Variants in KDM5C observed in about 807,000 individuals in gnomAD.
KDM5C encodes the protein lysine-specific demethylase 5C.
Under a neutral mutation model 110.6 loss-of-function variants are expected in KDM5C, and 16 were observed. That is an observed-to-expected ratio of 0.14 (90% CI 0.10 to 0.22). The LOEUF is 0.22. Among genes scored for constraint, KDM5C ranks in the 10% least tolerant of loss-of-function variants. KDM5C has a pLI of 1.00. For missense variants in KDM5C, 681 were observed against 1,300.9 expected, an observed-to-expected ratio of 0.52 and a Z score of 7.33; for synonymous variants, 511 against 520.4, an observed-to-expected ratio of 0.98 and a Z score of 0.24.
intron 8 of KDM5C, among the ~76,000 whole-genome samples, chrX:53,213,585 C>G (rs1382225694): frequency 9.0e-6 from 1 of 111,499 alleles, no homozygotes; most frequent in Non-Finnish European, 1.9e-5. Flanking sequence ...GCCCCTATAC[C>G]CATAGTAGGC....
Position 53,195,356 on chromosome X carries a change from G to T in KDM5C, c.3175C>A (p.Arg1059=). ...DDLEGLVAVG[R]DLPVGLEELR... The stretch of plus-strand genomic sequence containing the variant: ...TCCTCCAGCCCCACAGGTAGGTCCC[G>T]GCCCACAGCTACTAGGCCCTCCAAG... The change falls in exon 21 of 26, where the codon CGG becomes AGG. Residue 1059 remains arginine (R), a synonymous_variant. Coordinates refer to ENST00000375401, the MANE Select transcript of KDM5C (RefSeq NM_004187.5). 1 of 1,206,976 alleles carries T rather than the reference G, an allele frequency of 8.3e-7. No homozygotes were observed. The highest frequency in any genetic ancestry group is 1.1e-6 in the Non-Finnish European group (1 of 893,044).
At chrX:53,182,237 G>A (rs1421638089) in intron 25 of KDM5C, among the ~76,000 whole-genome samples, 2 of 103,217 alleles carry the variant, frequency 1.9e-5, no homozygotes, top group Non-Finnish European at 3.9e-5. Flanking sequence ...GGCATCCACC[G>A]CCAGGCCTGG....
rs897509559 is a variant in KDM5C at position 53,192,726 on chromosome X, G to A, written c.*241C>T. The A allele has an allele frequency of 1.1e-5, 13 of 1,162,210 alleles. No homozygotes were observed. The highest frequency in any genetic ancestry group is 1.3e-5 in the Non-Finnish European group (11 of 870,598). ...ATCCATCTATCTGCCTCAGGTGTCT[G>A]GGAATGCTGGTTAGAGGCTACCAGG... is the stretch of plus-strand genomic sequence containing the variant. On this transcript the variant is annotated 3_prime_UTR_variant, in exon 26 of 26. Coordinates refer to ENST00000375401, the MANE Select transcript of KDM5C (RefSeq NM_004187.5).
chrX:53,216,222 C>T lies in KDM5C; in HGVS notation c.658-25G>A, dbSNP rs966927111. 6 of 1,208,305 alleles carry T rather than the reference C, an allele frequency of 5.0e-6. No homozygotes were observed. In the African/African-American group the frequency reaches 1.0e-4, roughly 21 times the overall value. On this transcript the variant is annotated intron_variant, in intron 5 of 25. Transcript: ENST00000375401. ...GCTGGAAGGAAAGAAGGAAATGAAT[C>T]AAGACTGCTATCTGGGGCAGACTGT... is the stretch of plus-strand genomic sequence containing the variant.
chrX:53,210,596 A>C lies in KDM5C; in HGVS notation c.1584-20T>G. 1 of 1,211,889 alleles carries C rather than the reference A, an allele frequency of 8.3e-7. No homozygotes were observed. The highest frequency in any genetic ancestry group is 1.1e-6 in the Non-Finnish European group (1 of 895,411). ...TCACCCCTGCACAAGTGGAAAAGGG[A>C]CACACACAGTAAATCACACCTTGGT... On this transcript the variant is annotated intron_variant, in intron 11 of 25. Coordinates refer to ENST00000375401, the MANE Select transcript of KDM5C (RefSeq NM_004187.5).
Position 53,215,966 on chromosome X carries a change from C to T in KDM5C, c.792G>A (p.Gly264=). ...DKTLRKKDKE[G]PECPPTVVVK... ...CCACTACTGTGGGGGGACACTCAGG[C>T]CCCTCCTTATCTGGGAGAGAGAAAA... is the stretch of plus-strand genomic sequence containing the variant. Residue 264 remains glycine, a synonymous_variant, in exon 7 of 26, where the codon GGG becomes GGA. Coordinates refer to ENST00000375401, the MANE Select transcript of KDM5C (RefSeq NM_004187.5). 1 of 1,211,960 alleles carries T rather than the reference C, an allele frequency of 8.3e-7. No individual in the cohort carries two copies.
intron 14 of KDM5C, among the ~76,000 whole-genome samples, chrX:53,199,961 T>A: frequency 9.0e-6 from 1 of 111,636 alleles, no homozygotes; most frequent in Non-Finnish European, 1.9e-5. Context: ...TGTGTGATCA[T>A]GAGTAAATCA....
intron 12 of KDM5C, among the ~76,000 whole-genome samples, chrX:53,205,372 T>C (rs182104140): frequency 5.3e-5 from 6 of 112,499 alleles, no homozygotes; most frequent in Non-Finnish European, 1.1e-4. Context: ...ATTTGGACCA[T>C]GCATCAGCTC....
At chrX:53,217,653 G>T in intron 4 of KDM5C, 143 bp downstream of exon 4, 2 of 648,350 alleles carry the variant, frequency 3.1e-6, no homozygotes, top group Non-Finnish European at 5.0e-6. Flanking sequence ...CCTGAGCAGT[G>T]TAGAAAGAGA....
intron 1 of KDM5C, among the ~76,000 whole-genome samples, chrX:53,221,408 T>C (rs782183838): frequency 1.8e-5 from 2 of 111,603 alleles, no homozygotes; most frequent in Non-Finnish European, 3.8e-5. Flanking sequence ...TTCTCATCTG[T>C]GAGGTGGGAA....
chrX:53,210,631 A>G, intron 11 of KDM5C, 45 bp downstream of exon 11: 1 of 1,209,908 alleles, frequency 8.3e-7, no homozygotes, highest in Non-Finnish European at 1.1e-6. Flanking sequence ...TCATGCAGGG[A>G]GCCCACACTG....
At chrX:53,208,499 CTTTTTT>C (rs67574134) in intron 12 of KDM5C, among the ~76,000 whole-genome samples, 1 of 48,286 alleles carries the variant, frequency 2.1e-5, no homozygotes, top group East Asian at 8.1e-4. Context: ...TCAGAGAATC[CTTTTTT>C]TTTTTTTTTT....
downstream of KDM5C, chrX:53,191,353 GTCCA>G (rs2146804170): frequency 5.8e-6 from 1 of 172,859 alleles, no homozygotes; most frequent in South Asian, 3.1e-4. Context: ...TATGTAAAAT[GTCCA>G]GAATAGGCAA....
rs1602183890 is a variant in KDM5C at position 53,201,973 on chromosome X, C to T, written c.1747G>A (p.Val583Ile). The change falls in exon 13 of 26, where the codon GTT (valine) becomes ATT (isoleucine). Residue 583 changes from valine to isoleucine, a missense_variant and splice_region_variant. Val to Ile is a conservative substitution (Grantham distance 29). Around this residue, in one of 14 missense-constraint regions of KDM5C, gnomAD observed 41 missense variants for 205.9 expected, o/e 0.20. Transcript: ENST00000375401. ...PNTLMSHGVP[V>I]VRTNQCAGEF... The stretch of plus-strand genomic sequence containing the variant: ...CCTGCACACTGGTTTGTGCGGACAA[C>T]CTGAAGAACACAAAAGGCCATGGCT... The T allele has an allele frequency of 1.7e-6, 2 of 1,211,611 alleles. No homozygotes were observed. The highest frequency in any genetic ancestry group is 2.2e-6 in the Non-Finnish European group (2 of 895,437).
intron 22 of KDM5C, 72 bp downstream of exon 22, chrX:53,194,859 G>A: frequency 6.7e-6 from 8 of 1,194,584 alleles, no homozygotes; most frequent in Middle Eastern, 4.8e-4. Context: ...CAAGCGGTCT[G>A]CTCATGGCCA....
At chrX:53,203,740 T>G (rs1046110971) in intron 12 of KDM5C, among the ~76,000 whole-genome samples, 3 of 110,205 alleles carry the variant, frequency 2.7e-5, no homozygotes, top group African/African-American at 9.9e-5. Flanking sequence ...TTCTGTTTTT[T>G]GGGGGATTTT....
chrX:53,221,027 A>C, intron 1 of KDM5C, 111 bp from the exon 2 acceptor site: 5 of 631,486 alleles, frequency 7.9e-6, no homozygotes, highest in Non-Finnish European at 1.3e-5. Flanking sequence ...ACCTCTAGCC[A>C]CTCCAGACCC....
intron 12 of KDM5C, chrX:53,202,323 T>G (rs188821808): frequency 4.4e-6 from 1 of 228,021 alleles, no homozygotes. Flanking sequence ...TAGAGTCAAA[T>G]GGCTCTATAA....
chrX:53,220,289 C>G (rs1287954396), intron 2 of KDM5C, among the ~76,000 whole-genome samples: 1 of 111,735 alleles, frequency 8.9e-6, no homozygotes, highest in African/African-American at 3.3e-5. Context: ...ACTTCCTGTA[C>G]AGAACAAAAG....
Sources: gnomAD v4.1 joint callset for allele counts (sites outside exome capture counted in the v4.1 genomes callset) on GRCh38, gnomAD v4.1.1 for gene constraint, gnomAD v4.1.1 regional missense constraint, MANE v1.5 for transcripts, NCBI Gene and HGNC (gene_info 2026-07-23, HGNC 2026-07-21) for gene names.